Variants in SLC22A13 observed in about 807,000 individuals in gnomAD.
The protein encoded by SLC22A13 is solute carrier family 22 member 13, also known as organic anion transporter 10.
SLC22A13 carries 42 observed loss-of-function variants against 49.1 expected under a neutral mutation model. The observed-to-expected ratio is 0.85, with a 90% CI of 0.67 to 1.11. The LOEUF (loss-of-function observed/expected upper bound fraction) is 1.11, where lower values mean the gene tolerates loss of function less well. Ranked by LOEUF, SLC22A13 falls within the 50% of genes least tolerant of loss-of-function variation. SLC22A13 has a pLI of 0.00. For missense variants in SLC22A13, 694 were observed against 712.8 expected (o/e 0.97, Z 0.30); for synonymous variants, 282 against 293.1 (o/e 0.96, Z 0.39).
intron 1 of SLC22A13, among the ~76,000 whole-genome samples, chr3:38,268,941 AAAAC>A (rs746937457): frequency 1.9e-3 from 287 of 152,170 alleles, no homozygotes; most frequent in East Asian, 5.0e-3. Flanking sequence ...AAACACCCGC[AAAAC>A]AAACAAACAA....
rs1358726848 is a variant in SLC22A13, at chr3:38,266,116, T to C, written c.256T>C (p.Phe86Leu). The C allele has an allele frequency of 6.2e-7, 1 of 1,614,118 alleles. No individual in the cohort carries two copies. Among genetic ancestry groups the C allele is most frequent in the Admixed American group, 1.7e-5 (1 of 60,022 alleles). ...AGGTCACCCAGAGCCCTGCCTCATG[T>C]TCCGGCCACCCCCCGCCAATGCCAG... ...TAGHPEPCLMFRPPPANASLQ... is the reference protein window; with the variant it reads ...TAGHPEPCLMLRPPPANASLQ... Residue 86 changes from phenylalanine (F) to leucine (L), a missense_variant, in exon 1 of 10, where the codon TTC (phenylalanine) becomes CTC (leucine). Coordinates refer to ENST00000311856, the MANE Select transcript of SLC22A13 (RefSeq NM_004256.4).
chr3:38,268,533 A>C (rs772061752), intron 1 of SLC22A13, among the ~76,000 whole-genome samples: 3 of 152,176 alleles, frequency 2.0e-5, no homozygotes, highest in Non-Finnish European at 4.4e-5. Flanking sequence ...ATGACAGGAA[A>C]GACTTTTTTT....
rs750486998 is a variant in SLC22A13, at chr3:38,274,278, C to T, written c.385C>T (p.Leu129=). 6.2e-7 allele frequency: 1 copy of T among 1,613,598 alleles called. No homozygotes were observed. The highest frequency in any genetic ancestry group is 1.3e-5 in the African/African-American group (1 of 74,918). The change falls in exon 2 of 10, where the codon CTG becomes TTG. Residue 129 remains leucine, a synonymous_variant. Coordinates refer to ENST00000311856, the MANE Select transcript of SLC22A13 (RefSeq NM_004256.4). The part of the protein sequence containing the change: ...RLPSLKNEFN[L]VCDRKHLKDT... ...CTGCCTGTGTCTCCCTCAGTTCAAC[C>T]TGGTTTGTGATCGGAAGCACCTGAA...
In SLC22A13 at chr3:38,275,153, T is replaced by A. The variant is rs768400862; in HGVS notation, c.802T>A (p.Phe268Ile). The A allele has an allele frequency of 1.8e-5, 29 of 1,614,050 alleles. No individual in the cohort carries two copies. The highest frequency in any genetic ancestry group is 4.0e-5 in the African/African-American group (3 of 74,942). Reference protein sequence around the residue: ...TAPGLLLFFYFWALPESARWL... With the variant: ...TAPGLLLFFYIWALPESARWL... ...GCCTGGCTTACTGCTCTTCTTCTAC[T>A]TCTGGTGAGGAAAATACATGCCAGG... Residue 268 changes from phenylalanine to isoleucine, a missense_variant, in exon 4 of 10, where the codon TTC becomes ATC. Transcript: ENST00000311856.
Position 38,275,930 on chromosome 3 carries a change from C to G in SLC22A13, c.1071C>G (p.Asp357Glu). Reference protein sequence around the residue: ...GYYGLSLQVGDFGLDVYLTQL... With the variant: ...GYYGLSLQVGEFGLDVYLTQL... ...ACGGCCTGAGCCTCCAAGTGGGGGA[C>G]TTCGGCCTGGACGTCTATCTGACGC... Residue 357 changes from aspartate to glutamate, a missense_variant, in exon 7 of 10, where the codon GAC becomes GAG. Transcript: ENST00000311856. 1.2e-6 allele frequency: 2 copies of G among 1,614,212 alleles called. No individual in the cohort carries two copies. The highest frequency in any genetic ancestry group is 4.5e-5 in the East Asian group (2 of 44,888).
intron 1 of SLC22A13, among the ~76,000 whole-genome samples, chr3:38,272,042 A>C (rs866945643): frequency 6.6e-6 from 1 of 152,224 alleles, no homozygotes; most frequent in African/African-American, 2.4e-5. Context: ...TGACAACACC[A>C]TGAGAGCTCA....
chr3:38,275,884 T>G lies in SLC22A13; in HGVS notation c.1025T>G (p.Phe342Cys). 1.9e-6 allele frequency: 3 copies of G among 1,613,938 alleles called. No individual in the cohort carries two copies. The highest frequency in any genetic ancestry group is 2.5e-6 in the Non-Finnish European group (3 of 1,179,818). The change falls in exon 7 of 10, where the codon TTT (phenylalanine) becomes TGT (cysteine). Residue 342 changes from phenylalanine to cysteine, a missense_variant and splice_region_variant. Transcript: ENST00000311856. ...AGGAACCCTTCATTACCTTGTAGGT[T>G]TGTGGACAGTCTGGGGTACTACGGC... Reference protein sequence around the residue: ...KVTLIIFCVWFVDSLGYYGLS... With the variant: ...KVTLIIFCVWCVDSLGYYGLS...
At chr3:38,274,132 C>T (rs1703549272) in intron 1 of SLC22A13, 140 bp from the exon 2 acceptor site, 1 of 653,342 alleles carries the variant, frequency 1.5e-6, no homozygotes, top group Non-Finnish European at 2.8e-6. Context: ...TCAGTGAGTT[C>T]ACTATGGTGC....
At chr3:38,277,264 C>T (rs764121872) in intron 9 of SLC22A13, 108 bp from the exon 10 acceptor site, 5 of 1,131,900 alleles carry the variant, frequency 4.4e-6, no homozygotes, top group Non-Finnish European at 5.2e-6. Flanking sequence ...CCACAGACAT[C>T]TGGCTGGCTT....
intron 1 of SLC22A13, among the ~76,000 whole-genome samples, chr3:38,266,501 G>T (rs534988189): frequency 1.2e-4 from 18 of 151,976 alleles, no homozygotes; most frequent in African/African-American, 4.4e-4. Flanking sequence ...GTCTTTCCTT[G>T]TCTCTCTGGC....
chr3:38,275,407 G>A lies in SLC22A13; in HGVS notation c.844G>A (p.Gly282Arg). 1.2e-6 allele frequency: 2 copies of A among 1,614,182 alleles called. No individual in the cohort carries two copies. Among genetic ancestry groups the A allele is most frequent in the Non-Finnish European group, 1.7e-6 (2 of 1,180,038 alleles). The change falls in exon 5 of 10, where the codon GGG becomes AGG. Residue 282 changes from glycine (G) to arginine (R), a missense_variant. Transcript: ENST00000311856. ...PESARWLLTR[G>R]RMDEAIQLIQ... The stretch of plus-strand genomic sequence containing the variant: ...ATCTGCACGTTGGCTCCTGACCCGT[G>A]GGAGGATGGACGAGGCGATACAACT...
rs762357207 is a variant in SLC22A13 at position 38,277,473 on chromosome 3, C to A, written c.*8C>A. 1 of 1,604,682 alleles carries A rather than the reference C, an allele frequency of 6.2e-7. No homozygotes were observed. Among genetic ancestry groups the A allele is most frequent in the Non-Finnish European group, 8.5e-7 (1 of 1,172,084 alleles). On this transcript the variant is annotated 3_prime_UTR_variant, in exon 10 of 10. Transcript: ENST00000311856. ...AGCAGCACATACTTCTGATTGAGGT[C>A]TCTAAGAGCTGGACCATCAGCAGCA...
intron 6 of SLC22A13, 37 bp downstream of exon 6, chr3:38,275,709 T>C (rs1434619341): frequency 6.3e-7 from 1 of 1,596,536 alleles, no homozygotes; most frequent in South Asian, 1.1e-5. Context: ...ACCACAGGGC[T>C]GCAGCCTCCC....
At chr3:38,273,750 A>G (rs1013011673) in intron 1 of SLC22A13, among the ~76,000 whole-genome samples, 3 of 152,234 alleles carry the variant, frequency 2.0e-5, no homozygotes, top group Non-Finnish European at 2.9e-5. Flanking sequence ...TGTCCTAACA[A>G]CTTAGTAGTT....
At chr3:38,274,963 C>T (rs201849670) in intron 3 of SLC22A13, 26 bp from the exon 4 acceptor site, 347 of 1,610,560 alleles carry the variant, frequency 2.2e-4, no homozygotes, top group Non-Finnish European at 2.7e-4. Flanking sequence ...GGGATTAGCC[C>T]TGTCTCAACC....
chr3:38,269,491 C>T lies in SLC22A13; in HGVS notation c.378+3253C>T, dbSNP rs1022673808. 5.3e-5 allele frequency among the ~76,000 whole-genome samples: 8 copies of T among 152,186 alleles called. No individual in the cohort carries two copies. The East Asian group carries it at 1.5e-3, about 29-fold the overall frequency. Reference sequence around the variant, plus strand: ...CAGAGTGGTCTCGAAGTCCTGACCTCAGGTGATCCACCCGCCTCAGCCTCC... The same window carrying T: ...CAGAGTGGTCTCGAAGTCCTGACCTTAGGTGATCCACCCGCCTCAGCCTCC... On this transcript the variant is annotated intron_variant, in intron 1 of 9. Transcript: ENST00000311856.
chr3:38,267,028 C>T (rs1446132525), intron 1 of SLC22A13, among the ~76,000 whole-genome samples: 1 of 152,132 alleles, frequency 6.6e-6, no homozygotes, highest in Admixed American at 6.5e-5. Context: ...TGTCTAGATT[C>T]CCACAGGAGT....
At chr3:38,276,432 T>C in intron 8 of SLC22A13, 37 bp downstream of exon 8, 1 of 1,434,536 alleles carries the variant, frequency 7.0e-7, no homozygotes, top group Non-Finnish European at 9.7e-7. Context: ...CCTCTGCTAC[T>C]GAGATGCTGA....
Position 38,266,181 on chromosome 3 carries a change from G to A in SLC22A13, c.321G>A (p.Gln107=), listed in dbSNP as rs201763012. 50 of 1,614,066 alleles carry A rather than the reference G, an allele frequency of 3.1e-5. No individual in the cohort carries two copies. The highest frequency in any genetic ancestry group is 2.2e-5 in the East Asian group (1 of 44,900). Residue 107 remains glutamine (Q), a synonymous_variant, in exon 1 of 10, where the codon CAG becomes CAA. Transcript: ENST00000311856. ...TCAGCCACCGCTTCAATGAGACGCA[G>A]CCTTGTGATATGGGCTGGGAATATC... is the stretch of plus-strand genomic sequence containing the variant. ...DILSHRFNET[Q]PCDMGWEYPE...
Sources: gnomAD v4.1 joint callset for allele counts (sites outside exome capture counted in the v4.1 genomes callset) on GRCh38, gnomAD v4.1.1 for gene constraint, MANE v1.5 for transcripts, NCBI Gene and HGNC (gene_info 2026-07-23, HGNC 2026-07-21) for gene names.